Variants in TOPBP1 observed in about 807,000 individuals in gnomAD.
TOPBP1 encodes the protein DNA topoisomerase 2-binding protein 1.
A neutral mutation model predicts 167.7 loss-of-function variants in TOPBP1; 28 were observed. The observed-to-expected ratio is 0.17, with a 90% CI of 0.12 to 0.23. The LOEUF is 0.23. TOPBP1 is among the 10% of genes least tolerant of loss of function. TOPBP1 has a pLI of 1.00. For missense variants in TOPBP1, 1,554 were observed against 1,809.6 expected (o/e 0.86, Z 2.56); for synonymous variants, 598 against 611.4 (o/e 0.98, Z 0.32).
intron 14 of TOPBP1, 115 bp downstream of exon 14, chr3:133,637,761 T>C: frequency 9.1e-7 from 1 of 1,103,594 alleles, no homozygotes; most frequent in East Asian, 2.5e-5. Context: ...TAAATCTACT[T>C]GCCAATGTCT....
At chr3:133,654,731 G>T (rs1042537821) in intron 6 of TOPBP1, among the ~76,000 whole-genome samples, 1 of 152,124 alleles carries the variant, frequency 6.6e-6, no homozygotes, top group African/African-American at 2.4e-5. Context: ...CAATTTTAAA[G>T]AATTTTTCTT....
At chr3:133,617,983 G>T in intron 21 of TOPBP1, 2 of 480,140 alleles carry the variant, frequency 4.2e-6, no homozygotes, top group Non-Finnish European at 7.6e-6. Context: ...AGAAAAAAAC[G>T]CCCAATTCTA....
intron 20 of TOPBP1, among the ~76,000 whole-genome samples, chr3:133,619,554 AAGG>A (rs938841109): frequency 3.3e-5 from 5 of 152,342 alleles, no homozygotes; most frequent in South Asian, 2.1e-4. Context: ...TAAATTTTAC[AAGG>A]AGAATACAAA....
intron 3 of TOPBP1, among the ~76,000 whole-genome samples, chr3:133,658,684 G>C (rs750738057): frequency 5.9e-5 from 9 of 152,040 alleles, no homozygotes; most frequent in Admixed American, 3.3e-4. Context: ...ATATACATCT[G>C]TAATCCCAGC....
Position 133,651,353 on chromosome 3 carries a change from A to AT in TOPBP1, c.1089+1109dup, listed in dbSNP as rs1051188711. ...AGGGGCCTGCCACAACGCCCAGCTA[A>AT]TTTTTTTTGTATTTTTAGTAGAGAC... On this transcript the variant is annotated intron_variant, in intron 8 of 27. Transcript: ENST00000260810. Among the ~76,000 whole-genome samples, 111 of 150,738 alleles carry AT rather than the reference A, an allele frequency of 7.4e-4. 1 individual carries two copies. Among genetic ancestry groups the AT allele is most frequent in the Admixed American group, 1.3e-3 (20 of 15,138 alleles).
At chr3:133,627,085 T>C (rs1475538981) in intron 16 of TOPBP1, among the ~76,000 whole-genome samples, 1 of 152,234 alleles carries the variant, frequency 6.6e-6, no homozygotes, top group African/African-American at 2.4e-5. Flanking sequence ...CTCTGCATAT[T>C]ATAAGGCTCT....
chr3:133,643,359 T>G lies in TOPBP1; in HGVS notation c.1862A>C (p.Asp621Ala). The change falls in exon 12 of 28, where the codon GAC (aspartate) becomes GCC (alanine). Residue 621 changes from aspartate (D) to alanine (A), a missense_variant. Transcript: ENST00000260810. ...VTNTWLVTCI[D>A]YQTLFDPKSN... The stretch of plus-strand genomic sequence containing the variant: ...CTTTGGATCAAACAAAGTCTGATAG[T>G]CTATGCAAGTAACCTTTTAAAAACA... 1.3e-6 allele frequency: 2 copies of G among 1,588,072 alleles called. No individual in the cohort carries two copies. The highest frequency in any genetic ancestry group is 8.5e-7 in the Non-Finnish European group (1 of 1,170,858).
Position 133,659,168 on chromosome 3 carries a change from A to G in TOPBP1, c.85-18T>C. The G allele has an allele frequency of 6.5e-7, 1 of 1,536,860 alleles. No homozygotes were observed. The highest frequency in any genetic ancestry group is 2.0e-4 in the Middle Eastern group (1 of 4,974). On this transcript the variant is annotated intron_variant, in intron 2 of 27. Transcript: ENST00000260810. ...TTTATGGACTGAAAGAAAAAATAAAATAAGAATGTACCTGAAATTACTCTC... is the reference window on the plus strand; with the variant it reads ...TTTATGGACTGAAAGAAAAAATAAAGTAAGAATGTACCTGAAATTACTCTC...
intron 24 of TOPBP1, among the ~76,000 whole-genome samples, 185 bp downstream of exon 24, chr3:133,612,204 G>C (rs1413571906): frequency 6.6e-6 from 1 of 151,962 alleles, no homozygotes; most frequent in African/African-American, 2.4e-5. Flanking sequence ...ACCATGCCTG[G>C]CTAATCTTTG....
chr3:133,609,779 A>T (rs1453631459), intron 25 of TOPBP1, among the ~76,000 whole-genome samples: 1 of 152,204 alleles, frequency 6.6e-6, no homozygotes, highest in Non-Finnish European at 1.5e-5. Context: ...GAGTCAATTA[A>T]ACCTCTTTCC....
intron 14 of TOPBP1, among the ~76,000 whole-genome samples, chr3:133,629,499 G>A (rs78996709): frequency 0.034 from 5,217 of 152,194 alleles, 133 homozygotes; most frequent in Non-Finnish European, 0.05. Flanking sequence ...GTTGAAGCAA[G>A]AAGACAGCTC....
intron 1 of TOPBP1, among the ~76,000 whole-genome samples, chr3:133,661,506 T>C (rs1427312003): frequency 6.6e-6 from 1 of 152,194 alleles, no homozygotes; most frequent in Non-Finnish European, 1.5e-5. Flanking sequence ...CATCCCTCAG[T>C]AAACAGATTT....
chr3:133,602,667 G>A (rs1327867924), intron 27 of TOPBP1, among the ~76,000 whole-genome samples: 1 of 152,144 alleles, frequency 6.6e-6, no homozygotes, highest in Non-Finnish European at 1.5e-5. Flanking sequence ...TAGATTTTGT[G>A]GGATAGATGA....
At chr3:133,617,956 T>C (rs528010113) in intron 21 of TOPBP1, among the ~76,000 whole-genome samples, 1 of 152,154 alleles carries the variant, frequency 6.6e-6, no homozygotes, top group African/African-American at 2.4e-5. Flanking sequence ...AAAAGAACAA[T>C]GGTAGACACC....
chr3:133,642,701 T>G (rs771058437), intron 12 of TOPBP1, among the ~76,000 whole-genome samples: 28 of 152,222 alleles, frequency 1.8e-4, no homozygotes, highest in Non-Finnish European at 3.4e-4. Context: ...GATTCTTTCA[T>G]TCATTAGGGG....
At chr3:133,649,243 A>T in intron 10 of TOPBP1, 140 bp downstream of exon 10, 1 of 1,206,980 alleles carries the variant, frequency 8.3e-7, no homozygotes, top group Non-Finnish European at 1.1e-6. Flanking sequence ...CTCAGAAAAA[A>T]AGTTATGAGG....
chr3:133,606,917 T>C (rs539954182), intron 27 of TOPBP1, among the ~76,000 whole-genome samples: 2 of 152,038 alleles, frequency 1.3e-5, no homozygotes, highest in African/African-American at 2.4e-5. Flanking sequence ...GAAAAAAATA[T>C]TAAATACACA....
chr3:133,645,409 T>C (rs1291827420), intron 10 of TOPBP1, among the ~76,000 whole-genome samples: 6 of 152,278 alleles, frequency 3.9e-5, no homozygotes, highest in African/African-American at 7.2e-5. Flanking sequence ...TACTTATAAT[T>C]TACAGATATA....
intron 12 of TOPBP1, among the ~76,000 whole-genome samples, chr3:133,641,480 C>T (rs1265776201): frequency 6.6e-6 from 1 of 152,208 alleles, no homozygotes; most frequent in East Asian, 1.9e-4. Flanking sequence ...ATCCTCCCAC[C>T]TCAGCCTCCC....
Sources: gnomAD v4.1 joint callset for allele counts (sites outside exome capture counted in the v4.1 genomes callset) on GRCh38, gnomAD v4.1.1 for gene constraint, MANE v1.5 for transcripts, NCBI Gene and HGNC (gene_info 2026-07-23, HGNC 2026-07-21) for gene names.